Variants in PCDH9 observed in about 807,000 individuals in gnomAD.
The protein encoded by PCDH9 is protocadherin-9.
Under a neutral mutation model 70.6 loss-of-function variants are expected in PCDH9, and 24 were observed. The observed-to-expected ratio is 0.34, with a 90% confidence interval of 0.25 to 0.48. The LOEUF is 0.48. Ranked by LOEUF, PCDH9 falls within the 20% of genes least tolerant of loss-of-function variation. The probability of loss-of-function intolerance (pLI) is 0.99; values close to 1 mark genes in which losing one functional copy is unlikely to be tolerated. For synonymous variants in PCDH9, 562 were observed against 558.5 expected, an observed-to-expected ratio of 1.01 and a Z score of -0.09; for missense variants, 1,281 against 1,503.6, an observed-to-expected ratio of 0.85 and a Z score of 2.45.
chr13:67,091,246 C>T (rs1476966946), intron 2 of PCDH9, among the ~76,000 whole-genome samples: 1 of 151,932 alleles, frequency 6.6e-6, no homozygotes, highest in Non-Finnish European at 1.5e-5. Flanking sequence ...ATTTAAATGA[C>T]TTTAAAATAT....
At chr13:66,606,828 A>G (rs2077228144) in intron 4 of PCDH9, among the ~76,000 whole-genome samples, 1 of 152,080 alleles carries the variant, frequency 6.6e-6, no homozygotes, top group Non-Finnish European at 1.5e-5. Flanking sequence ...TGTTAATACC[A>G]AAACCATCTA....
chr13:66,604,202 T>G (rs1387678629), intron 4 of PCDH9, among the ~76,000 whole-genome samples: 1 of 152,042 alleles, frequency 6.6e-6, no homozygotes, highest in Non-Finnish European at 1.5e-5. Flanking sequence ...ACTCTCTCAG[T>G]AGCTCTGAGT....
At chr13:66,358,837 C>T (rs1050288529) in intron 4 of PCDH9, among the ~76,000 whole-genome samples, 7 of 151,908 alleles carry the variant, frequency 4.6e-5, no homozygotes, top group Admixed American at 3.9e-4. Flanking sequence ...GAAGTCCCTA[C>T]AATGTTCACA....
intron 4 of PCDH9, among the ~76,000 whole-genome samples, chr13:66,422,346 C>T (rs1416039409): frequency 6.6e-6 from 1 of 152,176 alleles, no homozygotes; most frequent in Non-Finnish European, 1.5e-5. Context: ...CCCAAATCAA[C>T]AGAATATACA....
intron 4 of PCDH9, among the ~76,000 whole-genome samples, chr13:66,555,414 C>T (rs1305732119): frequency 8.9e-5 from 2 of 22,442 alleles, no homozygotes; most frequent in Non-Finnish European, 4.3e-4. Context: ...TGGCTACATT[C>T]TGGGGAAAAA....
chr13:66,629,163 A>G (rs1233984088), intron 4 of PCDH9, among the ~76,000 whole-genome samples: 2 of 152,254 alleles, frequency 1.3e-5, no homozygotes, highest in Non-Finnish European at 2.9e-5. Flanking sequence ...CTAGAATTGC[A>G]CATACTACAA....
intron 3 of PCDH9, among the ~76,000 whole-genome samples, chr13:66,775,943 A>G (rs2079885430): frequency 1.3e-5 from 2 of 152,068 alleles, no homozygotes; most frequent in African/African-American, 2.4e-5. Flanking sequence ...AAGGGTGCCT[A>G]TTATCAATAT....
At chr13:66,787,778 T>A (rs17416460) in intron 3 of PCDH9, among the ~76,000 whole-genome samples, 17,731 of 152,192 alleles carry the variant, frequency 0.12, 1,272 homozygotes, top group Middle Eastern at 0.18. Context: ...ATCCAATCAG[T>A]TGGCGACCCA....
At chr13:66,582,153 T>C (rs1006450650) in intron 4 of PCDH9, among the ~76,000 whole-genome samples, 1 of 152,152 alleles carries the variant, frequency 6.6e-6, no homozygotes, top group Non-Finnish European at 1.5e-5. Context: ...CATTCTGTTC[T>C]CTTAAAAAAT....
chr13:66,874,623 A>G (rs1566257829), intron 3 of PCDH9, among the ~76,000 whole-genome samples: 1 of 152,156 alleles, frequency 6.6e-6, no homozygotes, highest in Non-Finnish European at 1.5e-5. Context: ...TACAAAACTA[A>G]GAGAAGTAAA....
At chr13:66,408,532 A>G (rs1957321063) in intron 4 of PCDH9, among the ~76,000 whole-genome samples, 1 of 152,162 alleles carries the variant, frequency 6.6e-6, no homozygotes, top group Non-Finnish European at 1.5e-5. Flanking sequence ...AATGTTAAAC[A>G]TAATTACAGT....
At chr13:67,185,533 A>C (rs1280956532) in intron 2 of PCDH9, among the ~76,000 whole-genome samples, 1 of 152,194 alleles carries the variant, frequency 6.6e-6, no homozygotes, top group Non-Finnish European at 1.5e-5. Flanking sequence ...TTTACTTTCA[A>C]AATTCAGTGC....
At chr13:66,954,725 C>G (rs374404173) in intron 2 of PCDH9, among the ~76,000 whole-genome samples, 17 of 152,248 alleles carry the variant, frequency 1.1e-4, no homozygotes, top group African/African-American at 3.9e-4. Context: ...AATAGGGGCC[C>G]TTGTCCTAAA....
chr13:66,697,198 A>G (rs1266339053), intron 3 of PCDH9, among the ~76,000 whole-genome samples: 4 of 152,182 alleles, frequency 2.6e-5, no homozygotes, highest in Admixed American at 1.3e-4. Context: ...GTGCTTGGAA[A>G]TCACAACTTA....
At chr13:67,189,408 C>CATGTAACTA (rs1348383730) in intron 2 of PCDH9, among the ~76,000 whole-genome samples, 1 of 151,980 alleles carries the variant, frequency 6.6e-6, no homozygotes, top group African/African-American at 2.4e-5. Flanking sequence ...AACACAGACG[C>CATGTAACTA]ATGTAACTAG....
chr13:66,699,158 C>T (rs1032423657), intron 3 of PCDH9, among the ~76,000 whole-genome samples: 1 of 152,072 alleles, frequency 6.6e-6, no homozygotes, highest in Admixed American at 6.6e-5. Flanking sequence ...AAGTGATCCT[C>T]CTTCGTTGGC....
chr13:66,919,414 C>T (rs992077839), intron 2 of PCDH9, among the ~76,000 whole-genome samples: 1 of 151,204 alleles, frequency 6.6e-6, no homozygotes, highest in Non-Finnish European at 1.5e-5. Context: ...CATCTGTATG[C>T]TAATTGTGTG....
At chr13:67,111,091 G>A (rs115166379) in intron 2 of PCDH9, among the ~76,000 whole-genome samples, 322 of 152,288 alleles carry the variant, frequency 2.1e-3, no homozygotes, top group African/African-American at 7.4e-3. Context: ...GCATGTAGTT[G>A]TTTCAGATGG....
intron 2 of PCDH9, among the ~76,000 whole-genome samples, chr13:67,127,678 G>A (rs9541014): frequency 2.3e-5 from 3 of 129,140 alleles, no homozygotes; most frequent in Non-Finnish European, 3.5e-5. Flanking sequence ...ATATATATAT[G>A]TGTGTGTGTG....
Sources: allele counts gnomAD v4.1 joint callset (sites outside exome capture counted in the v4.1 genomes callset), GRCh38; gene constraint gnomAD v4.1.1; transcripts MANE v1.5; gene names NCBI Gene and HGNC (gene_info 2026-07-23, HGNC 2026-07-21).